The following LGALS3 variants were observed in gnomAD, a reference collection of about 807,000 sequenced individuals.
The protein encoded by LGALS3 is galectin 3, also known as galectin-3.
In LGALS3, 18 loss-of-function variants were observed where a neutral mutation model predicts 20.7. That is an observed-to-expected ratio of 0.87 (90% confidence interval 0.60 to 1.29). The LOEUF (loss-of-function observed/expected upper bound fraction) is 1.29, where lower values mean the gene tolerates loss of function less well. Ranked by LOEUF, LGALS3 falls within the 50% of genes most tolerant of loss-of-function variation. LGALS3 has a pLI of 0.00. For synonymous variants in LGALS3, 112 were observed against 119.6 expected, an observed-to-expected ratio of 0.94 and a Z score of 0.42; for missense variants, 315 against 314.7, an observed-to-expected ratio of 1.00 and a Z score of -0.01.
chr14:55,141,521 A>C (rs1881622397), intron 4 of LGALS3, among the ~76,000 whole-genome samples: 2 of 152,178 alleles, frequency 1.3e-5, no homozygotes, highest in Admixed American at 6.5e-5. Flanking sequence ...TTCACTGGAA[A>C]GTTTAGTTCT....
At chr14:55,134,796 G>C (rs1881331692) in intron 1 of LGALS3, among the ~76,000 whole-genome samples, 1 of 152,140 alleles carries the variant, frequency 6.6e-6, no homozygotes, top group South Asian at 2.1e-4. Flanking sequence ...AGTTCCCTAG[G>C]TTGGAAAATG....
chr14:55,138,085 A>G lies in LGALS3; in HGVS notation c.59A>G (p.Gln20Arg). 1 of 1,518,158 alleles carries G rather than the reference A, an allele frequency of 6.6e-7. No individual in the cohort carries two copies. Among genetic ancestry groups the G allele is most frequent in the Non-Finnish European group, 8.8e-7 (1 of 1,135,688 alleles). The allele number at this position is 1,518,158 out of a possible 1,614,324, so 94.0% of individuals were successfully genotyped here. ...ALSGSGNPNP[Q>R]GWPGAWGNQP... ...TCTGGGTCTGGAAACCCAAACCCTC[A>G]AGGATGGCCTGGCGCATGGGGGAAC... is the stretch of plus-strand genomic sequence containing the variant. Residue 20 changes from glutamine (Q) to arginine (R), a missense_variant, in exon 3 of 6, where the codon CAA becomes CGA. Gln to Arg is a conservative substitution (Grantham distance 43, BLOSUM62 1). Transcript: ENST00000254301.
At chr14:55,132,004 G>A (rs1346688713) in intron 1 of LGALS3, among the ~76,000 whole-genome samples, 1 of 152,210 alleles carries the variant, frequency 6.6e-6, no homozygotes, top group Non-Finnish European at 1.5e-5. Context: ...TCAGGAAGTA[G>A]TCTTCTTCTG....
intron 3 of LGALS3, among the ~76,000 whole-genome samples, chr14:55,139,665 A>G (rs890349530): frequency 6.6e-6 from 1 of 152,166 alleles, no homozygotes; most frequent in Non-Finnish European, 1.5e-5. Flanking sequence ...GGTGATAGTT[A>G]AACCCAGGGG....
At position 55,145,188 on chromosome 14, in the gene LGALS3, C is replaced by G; in HGVS notation, c.670C>G (p.Arg224Gly). ...NDAHLLQYNH[R>G]VKKLNEISKL... ...TGCTCACTTGTTGCAGTACAATCATCGGGTTAAAAAACTCAATGAAATCAG... is the reference window on the plus strand; with the variant it reads ...TGCTCACTTGTTGCAGTACAATCATGGGGTTAAAAAACTCAATGAAATCAG... The change falls in exon 6 of 6, where the codon CGG becomes GGG. Residue 224 changes from arginine (R) to glycine (G), a missense_variant. Transcript: ENST00000254301. 1 of 1,613,392 alleles carries G rather than the reference C, an allele frequency of 6.2e-7. No homozygotes were observed. The highest frequency in any genetic ancestry group is 8.5e-7 in the Non-Finnish European group (1 of 1,179,604).
chr14:55,132,534 A>G (rs1881262137), intron 1 of LGALS3, among the ~76,000 whole-genome samples: 1 of 151,966 alleles, frequency 6.6e-6, no homozygotes, highest in Admixed American at 6.6e-5. Flanking sequence ...TTTGAGGTTA[A>G]TAATCTTGAT....
chr14:55,131,274 G>A (rs1383088150), intron 1 of LGALS3, among the ~76,000 whole-genome samples: 2 of 152,170 alleles, frequency 1.3e-5, no homozygotes, highest in Non-Finnish European at 2.9e-5. Flanking sequence ...TAGGTGTCTC[G>A]CTCTGTTAAG....
At chr14:55,144,516 A>G (rs1881744066) in intron 5 of LGALS3, among the ~76,000 whole-genome samples, 1 of 136,312 alleles carries the variant, frequency 7.3e-6, no homozygotes, top group Non-Finnish European at 1.6e-5. Context: ...CTTCTAATAA[A>G]TTTGCTGCTT....
chr14:55,134,768 C>G (rs1241243097), intron 1 of LGALS3, among the ~76,000 whole-genome samples: 1 of 152,158 alleles, frequency 6.6e-6, no homozygotes, highest in Non-Finnish European at 1.5e-5. Context: ...ACCGTGACTT[C>G]CCTGTCAAGC....
In LGALS3 at chr14:55,139,523, G is replaced by A. The variant is rs190918908; in HGVS notation, c.343-752G>A. 2.1e-3 allele frequency among the ~76,000 whole-genome samples: 315 copies of A among 152,322 alleles called. 3 individuals are homozygous for A. Among genetic ancestry groups the A allele is most frequent in the African/African-American group, 7.3e-3 (303 of 41,570 alleles). On this transcript the variant is annotated intron_variant, in intron 3 of 5. Transcript: ENST00000254301. ...TGCCTGTAATCCCACCACTGTGGGA[G>A]GCTGAGGCAGGAGGATCACTTGAGT... is the stretch of plus-strand genomic sequence containing the variant.
chr14:55,140,302 G>C lies in LGALS3; in HGVS notation c.370G>C (p.Gly124Arg). ...LIVPYNLPLP[G>R]GVVPRMLITI... The stretch of plus-strand genomic sequence containing the variant: ...TGTGCCTTATAACCTGCCTTTGCCT[G>C]GGGGAGTGGTGCCTCGCATGCTGAT... Residue 124 changes from glycine to arginine, a missense_variant, in exon 4 of 6, where the codon GGG (glycine) becomes CGG (arginine). Coordinates refer to ENST00000254301, the MANE Select transcript of LGALS3 (RefSeq NM_002306.4). 3 of 1,613,256 alleles carry C rather than the reference G, an allele frequency of 1.9e-6. No homozygotes were observed. Among genetic ancestry groups the C allele is most frequent in the Non-Finnish European group, 2.5e-6 (3 of 1,179,372 alleles).
intron 1 of LGALS3, among the ~76,000 whole-genome samples, chr14:55,132,670 C>A (rs999631451): frequency 2.0e-5 from 3 of 152,098 alleles, no homozygotes; most frequent in African/African-American, 7.2e-5. Flanking sequence ...CGGGTTCAAG[C>A]GATTCTCCTG....
At chr14:55,142,334 G>A (rs745384627) in intron 4 of LGALS3, among the ~76,000 whole-genome samples, 11 of 152,070 alleles carry the variant, frequency 7.2e-5, no homozygotes, top group South Asian at 2.1e-4. Context: ...AAATATGATC[G>A]AAGACAATGA....
chr14:55,137,089 T>C, intron 1 of LGALS3: 2 of 530,344 alleles, frequency 3.8e-6, no homozygotes, highest in Non-Finnish European at 6.8e-6. Flanking sequence ...AAACCCAGAG[T>C]AGGGGATGGG....
At chr14:55,135,564 T>C (rs866737250) in intron 1 of LGALS3, among the ~76,000 whole-genome samples, 1 of 139,842 alleles carries the variant, frequency 7.2e-6, no homozygotes, top group Non-Finnish European at 1.5e-5. Flanking sequence ...TTTATGGTTT[T>C]TTTTTTTTTT....
Position 55,145,389 on chromosome 14 carries a change from A to G in LGALS3, c.*118A>G, listed in dbSNP as rs1382417940. On this transcript the variant is annotated 3_prime_UTR_variant, in exon 6 of 6. Coordinates refer to ENST00000254301, the MANE Select transcript of LGALS3 (RefSeq NM_002306.4). ...TCAATATCCCTCTTGTAAGTCATCTACTTAATAAATATTACAGTGAATTAC... is the reference window on the plus strand; with the variant it reads ...TCAATATCCCTCTTGTAAGTCATCTGCTTAATAAATATTACAGTGAATTAC... 1 of 1,527,234 alleles carries G rather than the reference A, an allele frequency of 6.5e-7. No homozygotes were observed. The highest frequency in any genetic ancestry group is 8.8e-7 in the Non-Finnish European group (1 of 1,132,172). The allele number at this position is 1,527,234 out of a possible 1,614,324, so 94.6% of individuals were successfully genotyped here.
At chr14:55,130,326 TGCGGGTTCCA>T (rs767465321) in intron 1 of LGALS3, among the ~76,000 whole-genome samples, 2 of 152,150 alleles carry the variant, frequency 1.3e-5, no homozygotes, top group African/African-American at 2.4e-5. Flanking sequence ...AAGTTCGCCA[TGCGGGTTCCA>T]GAGACTGCGG....
At chr14:55,135,483 A>T (rs190906978) in intron 1 of LGALS3, among the ~76,000 whole-genome samples, 1 of 152,094 alleles carries the variant, frequency 6.6e-6, no homozygotes, top group Admixed American at 6.6e-5. Context: ...TCCAGTGTGT[A>T]TAAATGAAGC....
At position 55,129,919 on chromosome 14, in the gene LGALS3, C is replaced by T. The variant is rs2140286144; in HGVS notation, c.-5+619C>T. Among the ~76,000 whole-genome samples, 1 of 152,242 alleles carries T rather than the reference C, an allele frequency of 6.6e-6. No individual in the cohort carries two copies. The highest frequency in any genetic ancestry group is 6.5e-5 in the Admixed American group (1 of 15,308). Reference sequence around the variant, plus strand: ...GAGGCTGGACTTGGAGGAGATCTCGCTGTGGAGCGCGAATGAGTTCTTCCA... The same window carrying T: ...GAGGCTGGACTTGGAGGAGATCTCGTTGTGGAGCGCGAATGAGTTCTTCCA... On this transcript the variant is annotated intron_variant, in intron 1 of 5. Transcript: ENST00000254301. The surrounding 1 kb of genome is among the most constrained non-coding windows in gnomAD (Gnocchi z 5.3).
Sources: allele counts gnomAD v4.1 joint callset (sites outside exome capture counted in the v4.1 genomes callset), GRCh38; gene constraint gnomAD v4.1.1; non-coding constraint Gnocchi (gnomAD v3.1); transcripts MANE v1.5; gene names NCBI Gene and HGNC (gene_info 2026-07-23, HGNC 2026-07-21).